SLC34A1: variants seen among roughly 807,000 people sequenced by gnomAD.
The protein encoded by SLC34A1 is solute carrier family 34 member 1.
In SLC34A1, 57 loss-of-function variants were observed where a neutral mutation model predicts 51.4. That is an observed-to-expected ratio of 1.11 (90% CI 0.90 to 1.38). The LOEUF is 1.38. SLC34A1 is among the 40% of genes most tolerant of loss of function. SLC34A1 has a pLI of 0.00. For synonymous variants in SLC34A1, 368 were observed against 358.0 expected (o/e 1.03, Z -0.32); for missense variants, 796 against 835.6 (o/e 0.95, Z 0.58).
At position 177,397,906 on chromosome 5, in the gene SLC34A1, T is replaced by C; in HGVS notation, c.1540T>C (p.Phe514Leu). 2 of 1,613,994 alleles carry C rather than the reference T, an allele frequency of 1.2e-6. No individual in the cohort carries two copies. The highest frequency in any genetic ancestry group is 1.7e-6 in the Non-Finnish European group (2 of 1,180,002). The change falls in exon 13 of 13, where the codon TTT becomes CTT. Residue 514 changes from phenylalanine (F) to leucine (L), a missense_variant. Transcript: ENST00000324417. ...LGKRTAKYRWFAVLYLLVCFL... is the reference protein window; with the variant it reads ...LGKRTAKYRWLAVLYLLVCFL... ...GAAACGCACGGCCAAGTACCGCTGG[T>C]TTGCCGTCCTCTATCTCCTTGTCTG...
chr5:177,385,912 G>A, intron 2 of SLC34A1, 62 bp downstream of exon 2: 1 of 1,609,896 alleles, frequency 6.2e-7, no homozygotes, highest in Non-Finnish European at 8.5e-7. Flanking sequence ...CCCGGATGAG[G>A]CCACTTCCCC....
intron 10 of SLC34A1, among the ~76,000 whole-genome samples, chr5:177,394,431 T>G (rs1160201729): frequency 1.3e-5 from 2 of 152,216 alleles, no homozygotes; most frequent in African/African-American, 4.8e-5. Context: ...CATTGTTTGA[T>G]TCAATCAACA....
chr5:177,388,495 GC>G lies in SLC34A1; in HGVS notation c.936+126del. 1.1e-5 allele frequency: 9 copies of G among 819,220 alleles called. No homozygotes were observed. The South Asian group carries it at 1.3e-4, about 12-fold the overall frequency. 50.7% of individuals were successfully genotyped at this position (819,220 alleles called of 1,614,324 possible). On this transcript the variant is annotated intron_variant, in intron 8 of 12. Transcript: ENST00000324417. The surrounding 1 kb of genome is among the most constrained non-coding windows in gnomAD (Gnocchi z 4.3). Reference sequence around the variant, plus strand: ...TTAGCCAGGAGAGGGCAAATATGTGGCCCTTCTACTGTGCTTACAGTTAACA... The same window carrying G: ...TTAGCCAGGAGAGGGCAAATATGTGGCCTTCTACTGTGCTTACAGTTAACA...
In SLC34A1 at chr5:177,386,114, C is replaced by T; in HGVS notation, c.237C>T (p.Ala79=). ...ATGAACCACTGCCTGCCAAGCTGGC[C>T]CTGGAGGAGGAGCAGAAGCCAGGTG... ...ERHEPLPAKL[A]LEEEQKPESR... Residue 79 remains alanine (A), a synonymous_variant, in exon 3 of 13, where the codon GCC becomes GCT. Coordinates refer to ENST00000324417, the MANE Select transcript of SLC34A1 (RefSeq NM_003052.5). The surrounding 1 kb of genome is among the most constrained non-coding windows in gnomAD (Gnocchi z 4.8). 6 of 1,613,518 alleles carry T rather than the reference C, an allele frequency of 3.7e-6. No homozygotes were observed. The highest frequency in any genetic ancestry group is 4.2e-6 in the Non-Finnish European group (5 of 1,179,700).
intron 10 of SLC34A1, among the ~76,000 whole-genome samples, chr5:177,395,993 T>C (rs752687778): frequency 2.6e-5 from 4 of 152,138 alleles, no homozygotes; most frequent in Non-Finnish European, 4.4e-5. Context: ...TTGGTCAGGC[T>C]AGTCTCGAAC....
chr5:177,395,394 G>C (rs886764763), intron 10 of SLC34A1, among the ~76,000 whole-genome samples: 1 of 152,128 alleles, frequency 6.6e-6, no homozygotes, highest in Non-Finnish European at 1.5e-5. Context: ...TCTGGGTGGA[G>C]GAACAGTATG....
intron 12 of SLC34A1, 133 bp from the exon 13 acceptor site, chr5:177,397,650 G>C: frequency 8.6e-7 from 1 of 1,165,060 alleles, no homozygotes; most frequent in East Asian, 2.4e-5. Context: ...CGGGGCAGGG[G>C]GCACATCACC....
At position 177,386,689 on chromosome 5, in the gene SLC34A1, C is replaced by A; in HGVS notation, c.532+123C>A. On this transcript the variant is annotated intron_variant, in intron 5 of 12. Transcript: ENST00000324417. This position sits in a 1 kb window ranked among gnomAD's most constrained non-coding sequence, Gnocchi z 4.8. ...CCATTCAGCTTGACTCCTGTATCAG[C>A]CAGGGACATGAGAGGAGCCCAACTG... 8.4e-7 allele frequency: 1 copy of A among 1,191,508 alleles called. No individual in the cohort carries two copies. Among genetic ancestry groups the A allele is most frequent in the Non-Finnish European group, 1.2e-6 (1 of 816,264 alleles). 73.8% of individuals were successfully genotyped at this position (1,191,508 alleles called of 1,614,324 possible). A position where few individuals can be genotyped will look rare whatever the true frequency, so the allele number is the denominator to read the frequency against.
intron 10 of SLC34A1, 42 bp downstream of exon 10, chr5:177,394,237 C>T (rs1256302689): frequency 6.2e-7 from 1 of 1,600,306 alleles, no homozygotes; most frequent in Non-Finnish European, 8.6e-7. Flanking sequence ...ACAGGATGGG[C>T]CTTTCCAGAT....
chr5:177,397,769 C>T lies in SLC34A1; in HGVS notation c.1417-14C>T, dbSNP rs531331377. On this transcript the variant is annotated splice_polypyrimidine_tract_variant and intron_variant, in intron 12 of 12. Coordinates refer to ENST00000324417, the MANE Select transcript of SLC34A1 (RefSeq NM_003052.5). ...CCAGTGCCCATCTCAGCCCCTCTGC[C>T]TCATCCCCTGCAGATTGCCCTCTGT... is the stretch of plus-strand genomic sequence containing the variant. 4.4e-6 allele frequency: 7 copies of T among 1,605,950 alleles called. No individual in the cohort carries two copies. Among genetic ancestry groups the T allele is most frequent in the African/African-American group, 4.0e-5 (3 of 75,004 alleles).
Position 177,396,982 on chromosome 5 carries a change from C to T in SLC34A1, c.1324C>T (p.Pro442Ser), listed in dbSNP as rs774934910. 6.2e-7 allele frequency: 1 copy of T among 1,614,152 alleles called. No homozygotes were observed. Among genetic ancestry groups the T allele is most frequent in the Admixed American group, 1.7e-5 (1 of 60,036 alleles). Residue 442 changes from proline (P) to serine (S), a missense_variant, in exon 12 of 13, where the codon CCG becomes TCG. Pro to Ser is a moderately conservative substitution (Grantham distance 74). Coordinates refer to ENST00000324417, the MANE Select transcript of SLC34A1 (RefSeq NM_003052.5). The surrounding 1 kb of genome is among the most constrained non-coding windows in gnomAD (Gnocchi z 4.0). Reference protein sequence around the residue: ...LGVISIERAYPLTLGSNIGTT... With the variant: ...LGVISIERAYSLTLGSNIGTT... Reference sequence around the variant, plus strand: ...TGTGATCAGCATTGAGAGGGCCTACCCGCTCACACTGGGTTCCAACATCGG... The same window carrying T: ...TGTGATCAGCATTGAGAGGGCCTACTCGCTCACACTGGGTTCCAACATCGG...
At chr5:177,393,664 A>G in intron 8 of SLC34A1, 30 bp from the exon 9 acceptor site, 2 of 1,612,538 alleles carry the variant, frequency 1.2e-6, no homozygotes, top group East Asian at 2.2e-5. Flanking sequence ...TGTTTTCCTA[A>G]TTCACTAAGT....
At chr5:177,387,007 T>C (rs62397255) in intron 5 of SLC34A1, among the ~76,000 whole-genome samples, 2 of 151,964 alleles carry the variant, frequency 1.3e-5, no homozygotes, top group Non-Finnish European at 2.9e-5. Context: ...CAAAACACCT[T>C]ACAGAACACC....
chr5:177,392,100 G>A (rs555414053), intron 8 of SLC34A1, among the ~76,000 whole-genome samples: 1 of 152,216 alleles, frequency 6.6e-6, no homozygotes, highest in Non-Finnish European at 1.5e-5. Flanking sequence ...GCACAGAAGA[G>A]CACATTGCCC....
chr5:177,388,054 G>A lies in SLC34A1; in HGVS notation c.705G>A (p.Leu235=). 3.1e-6 allele frequency: 5 copies of A among 1,614,076 alleles called. No homozygotes were observed. In the South Asian group the frequency reaches 3.3e-5, roughly 11 times the overall value. The change falls in exon 7 of 13, where the codon CTG becomes CTA. Residue 235 remains leucine (L), a synonymous_variant. Coordinates refer to ENST00000324417, the MANE Select transcript of SLC34A1 (RefSeq NM_003052.5). This position sits in a 1 kb window ranked among gnomAD's most constrained non-coding sequence, Gnocchi z 4.3. The part of the protein sequence containing the change: ...CFNWLSVLVL[L]PLEAATGYLH... ...ACTGGCTGTCAGTGCTGGTCCTGCTGCCCCTGGAGGCTGCCACTGGCTACC... is the reference window on the plus strand; with the variant it reads ...ACTGGCTGTCAGTGCTGGTCCTGCTACCCCTGGAGGCTGCCACTGGCTACC...
intron 8 of SLC34A1, among the ~76,000 whole-genome samples, chr5:177,391,050 C>T (rs148436965): frequency 5.4e-4 from 82 of 152,304 alleles, no homozygotes; most frequent in African/African-American, 1.9e-3. Context: ...CCATTCTGTT[C>T]TTCCCACAGA....
In SLC34A1 at chr5:177,397,820, T is replaced by C; in HGVS notation, c.1454T>C (p.Ile485Thr). 6.2e-7 allele frequency: 1 copy of C among 1,612,976 alleles called. No homozygotes were observed. The highest frequency in any genetic ancestry group is 1.3e-5 in the African/African-American group (1 of 75,026). The change falls in exon 13 of 13, where the codon ATC (isoleucine) becomes ACC (threonine). Residue 485 changes from isoleucine to threonine, a missense_variant. By Grantham distance (89) the Ile-to-Thr change is moderately conservative. Transcript: ENST00000324417. ...LCHFFFNISG[I>T]LLWYPVPCTR... is the part of the protein sequence containing the mutation. ...CACTTCTTCTTCAACATCTCGGGTA[T>C]CCTTCTGTGGTACCCGGTGCCCTGC...
At chr5:177,394,781 C>T (rs1056928961) in intron 10 of SLC34A1, among the ~76,000 whole-genome samples, 1 of 151,068 alleles carries the variant, frequency 6.6e-6, no homozygotes, top group Non-Finnish European at 1.5e-5. Context: ...GCAACCTCCA[C>T]CTCCAGGGTT....
chr5:177,384,777 G>A (rs1436447366), intron 1 of SLC34A1, among the ~76,000 whole-genome samples: 10 of 151,198 alleles, frequency 6.6e-5, no homozygotes, highest in Non-Finnish European at 7.4e-5. Context: ...CAGGAGAATC[G>A]CTTGAACCCA....
Sources: allele counts gnomAD v4.1 joint callset (sites outside exome capture counted in the v4.1 genomes callset), GRCh38; gene constraint gnomAD v4.1.1; non-coding constraint Gnocchi (gnomAD v3.1); transcripts MANE v1.5; gene names NCBI Gene and HGNC (gene_info 2026-07-23, HGNC 2026-07-21).